The following ALG9 variants were observed in gnomAD, a reference collection of about 807,000 sequenced individuals.
ALG9 encodes alpha-1,2-mannosyltransferase ALG9.
In ALG9, 55 loss-of-function variants were observed where a neutral mutation model predicts 81.8. That is an observed-to-expected ratio of 0.67 (90% CI 0.54 to 0.84). The LOEUF is 0.84. Ranked by LOEUF, ALG9 falls within the 40% of genes least tolerant of loss-of-function variation. The pLI, the probability that ALG9 is intolerant of heterozygous loss-of-function variation, is 0.00. For synonymous variants in ALG9, 278 were observed against 274.3 expected (o/e 1.01, Z -0.13); for missense variants, 629 against 745.0 (o/e 0.84, Z 1.81).
At chr11:111,795,714 T>C (rs1258406252) in intron 14 of ALG9, among the ~76,000 whole-genome samples, 1 of 152,248 alleles carries the variant, frequency 6.6e-6, no homozygotes, top group Non-Finnish European at 1.5e-5. Flanking sequence ...GAGACTGGTA[T>C]ACAGAGTGGA....
At chr11:111,775,079 C>T in the ALG9 span, among the ~76,000 whole-genome samples, 5 of 152,136 alleles carry the variant, frequency 3.3e-5, no homozygotes, top group Non-Finnish European at 7.3e-5. Flanking sequence ...TGAGCCACCA[C>T]GCCCGGCCAC....
At chr11:111,852,781 C>CA (rs1263876546) in intron 8 of ALG9, among the ~76,000 whole-genome samples, 1 of 151,670 alleles carries the variant, frequency 6.6e-6, no homozygotes, top group Non-Finnish European at 1.5e-5. Context: ...ACTAAAAATA[C>CA]AAAAAAATTA....
intron 2 of ALG9, among the ~76,000 whole-genome samples, chr11:111,869,508 A>C (rs887181530): frequency 6.6e-6 from 1 of 152,218 alleles, no homozygotes; most frequent in African/African-American, 2.4e-5. Context: ...GGACACGAGA[A>C]GTGGAATAGA....
intron 8 of ALG9, chr11:111,849,885 T>C (rs1957492800): frequency 6.6e-6 from 1 of 152,214 alleles, no homozygotes; most frequent in Non-Finnish European, 1.5e-5. Context: ...TAAGAAACTG[T>C]GTGCTTAACA....
At chr11:111,816,770 GGTCA>G (rs1340611597) in intron 13 of ALG9, among the ~76,000 whole-genome samples, 1 of 152,078 alleles carries the variant, frequency 6.6e-6, no homozygotes, top group Non-Finnish European at 1.5e-5. Context: ...AACTTTTCGA[GGTCA>G]GTCTTGAATT....
chr11:111,838,881 A>C (rs1955762579), intron 10 of ALG9, among the ~76,000 whole-genome samples: 2 of 152,194 alleles, frequency 1.3e-5, no homozygotes, highest in African/African-American at 4.8e-5. Flanking sequence ...ATGACTTTAC[A>C]AACTAGATGA....
At chr11:111,800,669 A>G (rs1424890165) in intron 14 of ALG9, among the ~76,000 whole-genome samples, 1 of 151,952 alleles carries the variant, frequency 6.6e-6, no homozygotes, top group Non-Finnish European at 1.5e-5. Context: ...CTCTTACAAC[A>G]CATAACACAT....
chr11:111,807,246 T>C (rs1555086049), intron 14 of ALG9, among the ~76,000 whole-genome samples: 1 of 152,182 alleles, frequency 6.6e-6, no homozygotes, highest in Non-Finnish European at 1.5e-5. Context: ...CAAAGCTCTT[T>C]ATAACCTGCA....
intron 13 of ALG9, among the ~76,000 whole-genome samples, chr11:111,828,311 G>A (rs534482364): frequency 6.6e-5 from 10 of 152,250 alleles, no homozygotes; most frequent in Admixed American, 4.6e-4. Context: ...GCATGATTAC[G>A]GGACAGACAA....
the ALG9 span, among the ~76,000 whole-genome samples, chr11:111,770,094 C>T: frequency 6.6e-6 from 1 of 152,086 alleles, no homozygotes; most frequent in African/African-American, 2.4e-5. Flanking sequence ...ATAAATCCTT[C>T]AATGAAGGTG....
intron 8 of ALG9, among the ~76,000 whole-genome samples, chr11:111,848,107 G>A (rs782188135): frequency 4.6e-5 from 7 of 152,006 alleles, no homozygotes; most frequent in Admixed American, 1.3e-4. Context: ...TTAACTATGT[G>A]GCATATTCCC....
chr11:111,870,095 T>C (rs1173857613), intron 2 of ALG9, 137 bp downstream of exon 2: 1 of 1,126,904 alleles, frequency 8.9e-7, no homozygotes, highest in Non-Finnish European at 1.2e-6. Context: ...TATAGGCCTG[T>C]TTTTTTGTTT....
intron 3 of ALG9, among the ~76,000 whole-genome samples, chr11:111,867,724 A>G (rs1451289974): frequency 2.0e-5 from 3 of 152,324 alleles, no homozygotes; most frequent in South Asian, 4.1e-4. Flanking sequence ...AAAGCTGGAC[A>G]TTTTAGGTAT....
intron 10 of ALG9, among the ~76,000 whole-genome samples, chr11:111,839,651 C>A (rs1168995801): frequency 6.8e-6 from 1 of 147,030 alleles, no homozygotes; most frequent in African/African-American, 2.5e-5. Flanking sequence ...ACAACTATAA[C>A]AAACCTTGGT....
At chr11:111,793,299 C>A (rs782769548) in intron 14 of ALG9, among the ~76,000 whole-genome samples, 4 of 151,806 alleles carry the variant, frequency 2.6e-5, no homozygotes, top group Non-Finnish European at 5.9e-5. Context: ...TTCTTTTTAA[C>A]CAAAAGAACA....
chr11:111,858,323 CAT>C (rs1555145166), intron 5 of ALG9, among the ~76,000 whole-genome samples: 1 of 152,144 alleles, frequency 6.6e-6, no homozygotes, highest in East Asian at 1.9e-4. Context: ...ATCAAAAACT[CAT>C]AGAATTCCAC....
rs1355435342 is a variant in ALG9, at chr11:111,782,207, A to C, written c.*4190T>G. The C allele has an allele frequency of 6.6e-6, 1 of 152,238 alleles. No individual in the cohort carries two copies. Among genetic ancestry groups the C allele is most frequent in the African/African-American group, 2.4e-5 (1 of 41,466 alleles). The allele number at this position is 152,238 out of a possible 1,614,324, so 9.4% of individuals were successfully genotyped here. A position where few individuals can be genotyped will look rare whatever the true frequency, so the allele number is the denominator to read the frequency against. ...AAGAAAAAGAAAATCAAACTGCTAC[A>C]ATTTATTTAACTCTTTCTTTCACAG... On this transcript the variant is annotated 3_prime_UTR_variant, in exon 15 of 15. Coordinates refer to ENST00000616540, the MANE Select transcript of ALG9 (RefSeq NM_024740.2).
At chr11:111,790,059 C>A (rs1209591754) in intron 14 of ALG9, among the ~76,000 whole-genome samples, 1 of 151,936 alleles carries the variant, frequency 6.6e-6, no homozygotes, top group African/African-American at 2.4e-5. Context: ...TTGGTCTGCA[C>A]TGGGGATATA....
intron 14 of ALG9, among the ~76,000 whole-genome samples, chr11:111,790,974 A>T (rs1947312389): frequency 6.6e-6 from 1 of 152,224 alleles, no homozygotes; most frequent in African/African-American, 2.4e-5. Flanking sequence ...ACACCATGTT[A>T]TTCATTTATT....
Sources: gnomAD v4.1 joint callset for allele counts (sites outside exome capture counted in the v4.1 genomes callset) on GRCh38, gnomAD v4.1.1 for gene constraint, MANE v1.5 for transcripts, NCBI Gene and HGNC (gene_info 2026-07-23, HGNC 2026-07-21) for gene names.